SPATC1L: variants seen among roughly 807,000 people sequenced by gnomAD.
SPATC1L encodes spermatogenesis and centriole associated 1 like.
SPATC1L carries 20 observed loss-of-function variants against 21.2 expected under a neutral mutation model. The observed-to-expected ratio is 0.94, with a 90% CI of 0.66 to 1.37. SPATC1L has a LOEUF of 1.37. Ranked by LOEUF, SPATC1L falls within the 40% of genes most tolerant of loss-of-function variation. The pLI is 0.00. For missense variants in SPATC1L, 499 were observed against 478.7 expected (o/e 1.04, Z -0.40); for synonymous variants, 290 against 234.5 (o/e 1.24, Z -2.16).
intron 2 of SPATC1L, among the ~76,000 whole-genome samples, chr21:46,176,102 C>A (rs1285896891): frequency 2.0e-5 from 3 of 152,122 alleles, no homozygotes; most frequent in African/African-American, 2.4e-5. Flanking sequence ...AAATTCAACA[C>A]CCCTTCATGT....
chr21:46,162,185 C>T, intron 3 of SPATC1L, 118 bp from the exon 4 acceptor site: 1 of 1,162,578 alleles, frequency 8.6e-7, no homozygotes, highest in Non-Finnish European at 1.2e-6. Context: ...CCTGCCGCCA[C>T]CCCCCACTGT....
chr21:46,161,350 T>C lies in SPATC1L; in HGVS notation c.*29A>G, dbSNP rs752263570. On this transcript the variant is annotated 3_prime_UTR_variant, in exon 5 of 5. Coordinates refer to ENST00000291672, the MANE Select transcript of SPATC1L (RefSeq NM_001142854.2). ...CCCGGGTTGGAACAAACGCGTTTACTGCAGGCAAGGCGGCGGGCGCGGGGC... is the reference window on the plus strand; with the variant it reads ...CCCGGGTTGGAACAAACGCGTTTACCGCAGGCAAGGCGGCGGGCGCGGGGC... The C allele has an allele frequency of 6.7e-7, 1 of 1,487,276 alleles. No homozygotes were observed. The highest frequency in any genetic ancestry group is 8.9e-7 in the Non-Finnish European group (1 of 1,124,152). The allele number at this position is 1,487,276 out of a possible 1,614,324, so 92.1% of individuals were successfully genotyped here.
chr21:46,176,072 T>C (rs922266720), intron 2 of SPATC1L, among the ~76,000 whole-genome samples: 10 of 152,110 alleles, frequency 6.6e-5, no homozygotes, highest in African/African-American at 2.4e-4. Flanking sequence ...TCTTAATAGA[T>C]GCAAAAAAAG....
intron 3 of SPATC1L, among the ~76,000 whole-genome samples, chr21:46,165,901 C>A (rs1037137316): frequency 1.8e-4 from 28 of 152,094 alleles, no homozygotes; most frequent in South Asian, 2.1e-4. Context: ...GGAAAATGTT[C>A]CCACAGAGAC....
rs1491575033 is a variant in SPATC1L at position 46,171,961 on chromosome 21, AAC to A, written c.194-3305_194-3304del. On this transcript the variant is annotated intron_variant, in intron 2 of 4. Transcript: ENST00000291672. The stretch of plus-strand genomic sequence containing the variant: ...CCAGAAAAAAAAAAAAAAAAAAAAA[AAC>A]CATGGCCAGGCCAAAAATAATTGCA... Among the ~76,000 whole-genome samples, 51 of 133,724 alleles carry A rather than the reference AAC, an allele frequency of 3.8e-4. 2 individuals are homozygous for A. In the South Asian group the frequency reaches 7.1e-3, roughly 19 times the overall value. 87.7% of individuals were successfully genotyped at this position (133,724 alleles called of 152,430 possible).
intron 2 of SPATC1L, among the ~76,000 whole-genome samples, chr21:46,170,947 A>G (rs1378175602): frequency 6.9e-6 from 1 of 145,562 alleles, no homozygotes; most frequent in East Asian, 2.0e-4. Flanking sequence ...GTGGATGGGG[A>G]GGAGCTTCCC....
intron 2 of SPATC1L, among the ~76,000 whole-genome samples, chr21:46,174,349 A>C (rs199908053): frequency 0.032 from 4,657 of 147,274 alleles, 208 homozygotes; most frequent in South Asian, 0.084. Flanking sequence ...CAAAACAAAA[A>C]AAAAAAAAAA....
At chr21:46,162,137 G>A in intron 3 of SPATC1L, 70 bp from the exon 4 acceptor site, 2 of 1,457,212 alleles carry the variant, frequency 1.4e-6, no homozygotes, top group Non-Finnish European at 1.8e-6. Context: ...GGTGCCCTCG[G>A]CCACGTGGGG....
chr21:46,166,541 G>A (rs1215115851), intron 3 of SPATC1L, among the ~76,000 whole-genome samples: 3 of 151,720 alleles, frequency 2.0e-5, no homozygotes, highest in African/African-American at 4.8e-5. Flanking sequence ...AGAAACACAC[G>A]TCGCCTATAA....
At chr21:46,170,323 CT>C (rs768141772) in intron 2 of SPATC1L, among the ~76,000 whole-genome samples, 22 of 130,838 alleles carry the variant, frequency 1.7e-4, no homozygotes, top group South Asian at 2.4e-4. Context: ...GGGGAGGAGC[CT>C]CCCTGCTCTG....
chr21:46,168,647 C>T lies in SPATC1L; in HGVS notation c.205G>A (p.Gly69Arg), dbSNP rs531977796. Reference sequence around the variant, plus strand: ...GTGTCGGCAACACTCGTGAACCTTCCGAAATCTGGAACTGAGGCGGGGAGG... The same window carrying T: ...GTGTCGGCAACACTCGTGAACCTTCTGAAATCTGGAACTGAGGCGGGGAGG... ...GSPGSGVPDF[G>R]RFTSVADTPS... The change falls in exon 3 of 5, where the codon GGA becomes AGA. Residue 69 changes from glycine (G) to arginine (R), a missense_variant. Gly to Arg is a moderately radical substitution (Grantham distance 125). Transcript: ENST00000291672. 129 of 1,359,242 alleles carry T rather than the reference C, an allele frequency of 9.5e-5. No homozygotes were observed. Among genetic ancestry groups the T allele is most frequent in the Non-Finnish European group, 8.3e-5 (87 of 1,043,578 alleles). 84.2% of individuals were successfully genotyped at this position (1,359,242 alleles called of 1,614,324 possible).
At chr21:46,171,220 T>G (rs968879609) in intron 2 of SPATC1L, among the ~76,000 whole-genome samples, 7 of 152,228 alleles carry the variant, frequency 4.6e-5, no homozygotes, top group African/African-American at 1.7e-4. Flanking sequence ...CTGGCCAAAT[T>G]TAGCTTATCT....
chr21:46,162,159 C>G (rs1236050316), intron 3 of SPATC1L, 92 bp from the exon 4 acceptor site: 4 of 1,358,672 alleles, frequency 2.9e-6, no homozygotes, highest in Non-Finnish European at 3.9e-6. Context: ...GCGGCTCCTC[C>G]ACCCCCCTCC....
rs1365935468 is a variant in SPATC1L at position 46,161,904 on chromosome 21, C to G, written c.696+12G>C. 2 of 1,603,576 alleles carry G rather than the reference C, an allele frequency of 1.2e-6. No individual in the cohort carries two copies. The highest frequency in any genetic ancestry group is 1.7e-5 in the Admixed American group (1 of 59,844). ...CGCACCCTCCTGGCCGCGCCCTCCC[C>G]ACGGGGCGCACCTGCTCGATCTTCT... On this transcript the variant is annotated intron_variant, in intron 4 of 4. Transcript: ENST00000291672.
At chr21:46,181,749 C>G (rs1351217309) in intron 2 of SPATC1L, among the ~76,000 whole-genome samples, 1 of 152,182 alleles carries the variant, frequency 6.6e-6, no homozygotes, top group Non-Finnish European at 1.5e-5. Context: ...CGTCCAGGAC[C>G]AGGCAGGCTG....
intron 2 of SPATC1L, among the ~76,000 whole-genome samples, chr21:46,178,123 T>C (rs2079645405): frequency 6.6e-6 from 1 of 151,204 alleles, no homozygotes; most frequent in African/African-American, 2.4e-5. Context: ...TCCCAGCTAC[T>C]TGGGAGGCTG....
intron 2 of SPATC1L, 79 bp downstream of exon 2, chr21:46,182,545 C>T (rs2079682442): frequency 1.4e-5 from 19 of 1,337,040 alleles, no homozygotes; most frequent in Middle Eastern, 2.7e-4. Context: ...GGGAGCTGGC[C>T]GCCACCCTCG....
intron 3 of SPATC1L, among the ~76,000 whole-genome samples, chr21:46,167,368 T>C (rs1189600689): frequency 1.3e-5 from 2 of 151,292 alleles, no homozygotes; most frequent in East Asian, 1.9e-4. Context: ...AATAAGCTAA[T>C]GATTCATCTT....
intron 2 of SPATC1L, 99 bp from the exon 3 acceptor site, chr21:46,168,757 C>A: frequency 2.7e-6 from 2 of 753,340 alleles, no homozygotes; most frequent in Non-Finnish European, 3.7e-6. Context: ...GCACCCCACC[C>A]CAAGCTTCAA....
Sources: allele counts gnomAD v4.1 joint callset (sites outside exome capture counted in the v4.1 genomes callset), GRCh38; gene constraint gnomAD v4.1.1; transcripts MANE v1.5; gene names NCBI Gene and HGNC (gene_info 2026-07-23, HGNC 2026-07-21).